The following MEGF11 variants were observed in gnomAD, a reference collection of about 807,000 sequenced individuals.
MEGF11 encodes multiple epidermal growth factor-like domains protein 11.
Under a neutral mutation model 146.6 loss-of-function variants are expected in MEGF11, and 126 were observed. The observed-to-expected ratio is 0.86, with a 90% CI of 0.74 to 1.00. The LOEUF is 1.00. MEGF11 is among the 50% of genes least tolerant of loss of function. MEGF11 has a pLI of 0.00. For synonymous variants in MEGF11, 532 were observed against 583.4 expected, an observed-to-expected ratio of 0.91 and a Z score of 1.27; for missense variants, 1,509 against 1,521.2, an observed-to-expected ratio of 0.99 and a Z score of 0.13.
Position 65,915,487 on chromosome 15 carries a change from C to A in MEGF11, c.2456G>T (p.Gly819Val). 3 of 1,613,958 alleles carry A rather than the reference C, an allele frequency of 1.9e-6. No homozygotes were observed. The highest frequency in any genetic ancestry group is 4.5e-5 in the East Asian group (2 of 44,890). ...GTCYCSPGFK[G>V]IRCDQAALMM... The stretch of plus-strand genomic sequence containing the variant: ...TGTATTACCTTGGTCACACCTGATT[C>A]CTTTGAAGCCAGGGCTGCAGTAACA... Residue 819 changes from glycine (G) to valine (V), a missense_variant, in exon 19 of 26, where the codon GGA (glycine) becomes GTA (valine). Transcript: ENST00000395614.
chr15:65,989,126 A>G (rs1398982035), intron 5 of MEGF11, among the ~76,000 whole-genome samples: 2 of 152,144 alleles, frequency 1.3e-5, no homozygotes, highest in Non-Finnish European at 2.9e-5. Flanking sequence ...CCCAGGTGAG[A>G]ACTCTTTTTT....
intron 5 of MEGF11, among the ~76,000 whole-genome samples, chr15:66,021,089 T>C (rs142299348): frequency 0.011 from 1,576 of 147,172 alleles, 29 homozygotes; most frequent in African/African-American, 0.038. Context: ...CTCCACACCG[T>C]CCAGGAGGAC....
At chr15:65,973,961 A>C (rs1354926975) in intron 7 of MEGF11, among the ~76,000 whole-genome samples, 1 of 152,164 alleles carries the variant, frequency 6.6e-6, no homozygotes, top group East Asian at 1.9e-4. Context: ...AATTACATGC[A>C]TGAGTCTTAG....
chr15:65,928,503 T>C lies in MEGF11; in HGVS notation c.1597A>G (p.Ser533Gly), dbSNP rs1425330939. The C allele has an allele frequency of 6.2e-7, 1 of 1,605,174 alleles. No homozygotes were observed. The highest frequency in any genetic ancestry group is 1.7e-5 in the Admixed American group (1 of 59,252). The stretch of plus-strand genomic sequence containing the variant: ...GCATGGCTGCAGTCACAGTGTTCAC[T>C]GCAGTTCAGCCCAAATGTGCCATCC... ...CPDGTFGLNC[S>G]EHCDCSHADG... The change falls in exon 13 of 26, where the codon AGT becomes GGT. Residue 533 changes from serine to glycine, a missense_variant. Transcript: ENST00000395614.
chr15:65,980,673 A>G, intron 7 of MEGF11, 105 bp downstream of exon 7: 1 of 1,403,892 alleles, frequency 7.1e-7, no homozygotes, highest in Non-Finnish European at 9.4e-7. Flanking sequence ...TGCTGGGATT[A>G]CAGTCACGAG....
intron 1 of MEGF11, among the ~76,000 whole-genome samples, chr15:66,194,061 A>G (rs1209702959): frequency 6.6e-6 from 1 of 152,250 alleles, no homozygotes; most frequent in African/African-American, 2.4e-5. Context: ...GCATGTTTAC[A>G]GCAGTACAAT....
rs978793580 is a variant in MEGF11, at chr15:66,003,790, C to T, written c.395-21302G>A. On this transcript the variant is annotated intron_variant, in intron 5 of 25. Transcript: ENST00000395614. ...TGCTCAGGCCCAGCCTTCCCACTGC[C>T]CAGTCCCTCCATTCACCCCTTCATG... Among the ~76,000 whole-genome samples, 9 of 152,290 alleles carry T rather than the reference C, an allele frequency of 5.9e-5. No individual in the cohort carries two copies. In the East Asian group the frequency reaches 1.7e-3, roughly 29 times the overall value.
chr15:66,046,857 G>C (rs2084225491), intron 5 of MEGF11, among the ~76,000 whole-genome samples: 1 of 152,158 alleles, frequency 6.6e-6, no homozygotes, highest in South Asian at 2.1e-4. Context: ...GCTCACCTGT[G>C]TACAATCTGC....
At chr15:65,975,788 G>A (rs1394221683) in intron 7 of MEGF11, among the ~76,000 whole-genome samples, 1 of 152,138 alleles carries the variant, frequency 6.6e-6, no homozygotes, top group Non-Finnish European at 1.5e-5. Context: ...CCTTAAACAG[G>A]GGGCACTTAA....
At chr15:66,097,701 A>C (rs1567238897) in intron 4 of MEGF11, among the ~76,000 whole-genome samples, 2 of 138,910 alleles carry the variant, frequency 1.4e-5, no homozygotes, top group South Asian at 2.3e-4. Flanking sequence ...CCTGCTTCTG[A>C]CCTCCCAGTG....
At chr15:66,213,463 C>T (rs965689293) in intron 1 of MEGF11, among the ~76,000 whole-genome samples, 8 of 152,150 alleles carry the variant, frequency 5.3e-5, no homozygotes, top group Non-Finnish European at 8.8e-5. Flanking sequence ...TTTCTGCCCT[C>T]GTGGAGTTGG....
intron 1 of MEGF11, among the ~76,000 whole-genome samples, chr15:66,230,980 T>G (rs74458581): frequency 0.014 from 2,140 of 152,278 alleles, 50 homozygotes; most frequent in South Asian, 0.13. Flanking sequence ...TACAGCAGCC[T>G]TGCCCAAAGT....
rs116777837 is a variant in MEGF11 at position 66,138,563 on chromosome 15, G to A, written c.-8-10152C>T. ...CTTGCAGCCCGGTCGGGTCACGGCCGGCACTTCACCTCCCTCCTCTGCTCT... is the reference window on the plus strand; with the variant it reads ...CTTGCAGCCCGGTCGGGTCACGGCCAGCACTTCACCTCCCTCCTCTGCTCT... On this transcript the variant is annotated intron_variant, in intron 1 of 25. Transcript: ENST00000395614. Among the ~76,000 whole-genome samples the A allele has an allele frequency of 2.5e-3, 388 of 152,192 alleles. 1 individual carries two copies. The highest frequency in any genetic ancestry group is 9.2e-3 in the African/African-American group (383 of 41,510).
chr15:66,032,856 C>T (rs2140245938), intron 5 of MEGF11, among the ~76,000 whole-genome samples: 1 of 152,170 alleles, frequency 6.6e-6, no homozygotes, highest in South Asian at 2.1e-4. Context: ...CCGAGGTGGG[C>T]AGATCATGAG....
intron 5 of MEGF11, among the ~76,000 whole-genome samples, chr15:66,017,695 C>T (rs955036518): frequency 2.0e-5 from 3 of 152,182 alleles, no homozygotes; most frequent in Admixed American, 6.5e-5. Flanking sequence ...TCTGAGAAGC[C>T]GAAGCCCAGA....
At chr15:66,070,726 TCA>T (rs1307203556) in intron 5 of MEGF11, among the ~76,000 whole-genome samples, 2 of 152,142 alleles carry the variant, frequency 1.3e-5, no homozygotes, top group African/African-American at 4.8e-5. Flanking sequence ...ATATCACCTC[TCA>T]GTCTCCTCAT....
intron 3 of MEGF11, among the ~76,000 whole-genome samples, chr15:66,122,218 C>T (rs1438696865): frequency 6.6e-6 from 1 of 151,246 alleles, no homozygotes; most frequent in Non-Finnish European, 1.5e-5. Context: ...GAACTGAGAT[C>T]GCGCCACTGC....
chr15:66,087,513 C>A (rs531367837), intron 5 of MEGF11, among the ~76,000 whole-genome samples: 1 of 152,276 alleles, frequency 6.6e-6, no homozygotes, highest in South Asian at 2.1e-4. Context: ...AAATCAACTC[C>A]AAAAGGAACC....
intron 1 of MEGF11, among the ~76,000 whole-genome samples, chr15:66,235,345 T>C (rs1042753374): frequency 6.6e-6 from 1 of 151,778 alleles, no homozygotes; most frequent in Non-Finnish European, 1.5e-5. Flanking sequence ...CTATAAAAAA[T>C]TTTAAAATTA....
Sources: gnomAD v4.1 joint callset for allele counts (sites outside exome capture counted in the v4.1 genomes callset) on GRCh38, gnomAD v4.1.1 for gene constraint, MANE v1.5 for transcripts, NCBI Gene and HGNC (gene_info 2026-07-23, HGNC 2026-07-21) for gene names.